The following CHRM2 variants were observed in gnomAD, a reference collection of about 807,000 sequenced individuals.
The protein encoded by CHRM2 is cholinergic receptor muscarinic 2.
CHRM2 carries 8 observed loss-of-function variants against 25.0 expected under a neutral mutation model. The ratio of observed to expected loss-of-function variants is 0.32; its 90% confidence interval spans 0.19 to 0.58. The LOEUF (loss-of-function observed/expected upper bound fraction) is 0.58. CHRM2 is among the 20% of genes least tolerant of loss of function. The pLI is 0.88. For missense variants in CHRM2, 440 were observed against 567.1 expected (o/e 0.78, Z 2.28); for synonymous variants, 202 against 205.7 (o/e 0.98, Z 0.15).
chr7:136,959,682 G>A (rs980956532), intron 2 of CHRM2, among the ~76,000 whole-genome samples: 3 of 152,162 alleles, frequency 2.0e-5, no homozygotes, highest in Non-Finnish European at 4.4e-5. Flanking sequence ...GGAGGCCGAG[G>A]CAGCAGATCA....
chr7:136,912,158 T>C (rs1202809536), intron 2 of CHRM2, among the ~76,000 whole-genome samples: 1 of 151,964 alleles, frequency 6.6e-6, no homozygotes, highest in Non-Finnish European at 1.5e-5. Flanking sequence ...TGAAAGTTTC[T>C]AACCCCTTCT....
chr7:136,887,923 C>T (rs545439356), intron 2 of CHRM2, among the ~76,000 whole-genome samples: 1 of 152,176 alleles, frequency 6.6e-6, no homozygotes, highest in African/African-American at 2.4e-5. Context: ...TGATGGCTAC[C>T]TTTGATTACC....
chr7:136,928,749 A>G (rs545956184), intron 2 of CHRM2, among the ~76,000 whole-genome samples: 1 of 152,172 alleles, frequency 6.6e-6, no homozygotes, highest in Non-Finnish European at 1.5e-5. Flanking sequence ...AGAATCAGAT[A>G]CCTCATTTGA....
chr7:136,881,907 A>G (rs1047961030), intron 2 of CHRM2, among the ~76,000 whole-genome samples: 7 of 152,066 alleles, frequency 4.6e-5, no homozygotes, highest in Non-Finnish European at 1.0e-4. Flanking sequence ...CATGGCCATG[A>G]CGAAGCTAAG....
chr7:136,881,823 G>A (rs1306428471), intron 2 of CHRM2, among the ~76,000 whole-genome samples: 3 of 151,994 alleles, frequency 2.0e-5, no homozygotes, highest in Admixed American at 6.6e-5. Flanking sequence ...TTCAAGAAGA[G>A]GAGAGGAAAA....
intron 2 of CHRM2, among the ~76,000 whole-genome samples, chr7:136,917,982 A>T (rs1156426329): frequency 1.3e-5 from 2 of 152,118 alleles, no homozygotes; most frequent in Non-Finnish European, 2.9e-5. Context: ...AACTCAATAA[A>T]AGTAGACACA....
chr7:137,014,733 T>A, intron 3 of CHRM2, 87 bp from the exon 4 acceptor site: 1 of 846,866 alleles, frequency 1.2e-6, no homozygotes, highest in Non-Finnish European at 1.9e-6. Flanking sequence ...TGGGAGAAAA[T>A]AATGTGGTTT....
intron 3 of CHRM2, among the ~76,000 whole-genome samples, chr7:136,994,714 T>G (rs1001853330): frequency 2.6e-5 from 4 of 151,588 alleles, no homozygotes; most frequent in African/African-American, 9.7e-5. Flanking sequence ...GAGGTTATTT[T>G]TCAAGTTATA....
At chr7:136,908,707 C>A (rs962059067) in intron 2 of CHRM2, among the ~76,000 whole-genome samples, 1 of 151,810 alleles carries the variant, frequency 6.6e-6, no homozygotes, top group Non-Finnish European at 1.5e-5. Flanking sequence ...ATTTTCAAAG[C>A]CAAATTTCTG....
intron 2 of CHRM2, among the ~76,000 whole-genome samples, chr7:136,976,172 G>A (rs1294562830): frequency 2.0e-5 from 3 of 152,060 alleles, no homozygotes; most frequent in Non-Finnish European, 4.4e-5. Context: ...GTATATTTAG[G>A]GGAACTGCAG....
rs192551695 is a variant in CHRM2 at position 136,906,208 on chromosome 7, C to T, written c.-125+36790C>T. Among the ~76,000 whole-genome samples the T allele has an allele frequency of 8.5e-4, 126 of 149,096 alleles. 1 individual carries two copies. Among genetic ancestry groups the T allele is most frequent in the African/African-American group, 1.6e-3 (65 of 40,512 alleles). On this transcript the variant is annotated intron_variant, in intron 2 of 3. Transcript: ENST00000680005. Reference sequence around the variant, plus strand: ...GTATGTATATACGTATATATATATACGCACACATATATATGGTTTGTATGT... The same window carrying T: ...GTATGTATATACGTATATATATATATGCACACATATATATGGTTTGTATGT...
rs146362174 is a variant in CHRM2, at chr7:136,897,662, G to A, written c.-125+28244G>A. 1.6e-3 allele frequency among the ~76,000 whole-genome samples: 235 copies of A among 150,810 alleles called. No homozygotes were observed. The East Asian group carries it at 0.025, about 16-fold the overall frequency. ...AGGGTGGTGGATTGCACCATTATTCGAGCCATTTTTAGCAAGCATTAACAA... is the reference window on the plus strand; with the variant it reads ...AGGGTGGTGGATTGCACCATTATTCAAGCCATTTTTAGCAAGCATTAACAA... On this transcript the variant is annotated intron_variant, in intron 2 of 3. Coordinates refer to ENST00000680005, the MANE Select transcript of CHRM2 (RefSeq NM_001006630.2).
chr7:136,981,359 G>A (rs889229172), intron 2 of CHRM2, among the ~76,000 whole-genome samples: 1 of 152,136 alleles, frequency 6.6e-6, no homozygotes, highest in African/African-American at 2.4e-5. Context: ...CTGGCTAGCA[G>A]TTTATCTATT....
chr7:136,897,880 T>C (rs1327468697), intron 2 of CHRM2, among the ~76,000 whole-genome samples: 2 of 152,256 alleles, frequency 1.3e-5, no homozygotes, highest in South Asian at 2.1e-4. Context: ...AAATGCTGAC[T>C]GAAAGAAAAT....
chr7:136,996,836 G>C (rs1010606211), intron 3 of CHRM2, among the ~76,000 whole-genome samples: 1 of 152,190 alleles, frequency 6.6e-6, no homozygotes, highest in Non-Finnish European at 1.5e-5. Flanking sequence ...AGGTCATAGA[G>C]TGTGAGCCTA....
chr7:136,956,635 TTATTG>T lies in CHRM2; in HGVS notation c.-124-35550_-124-35546del, dbSNP rs563947950. On this transcript the variant is annotated intron_variant, in intron 2 of 3. Transcript: ENST00000680005. ...ATTTGAAAATTACTGGTATACTTTTTTATTGTTAGAGCATTCAAATGTTATCCTTC... is the reference window on the plus strand; with the variant it reads ...ATTTGAAAATTACTGGTATACTTTTTTTAGAGCATTCAAATGTTATCCTTC... Among the ~76,000 whole-genome samples, 171 of 152,292 alleles carry T rather than the reference TTATTG, an allele frequency of 1.1e-3. 2 individuals carry two copies. The highest frequency in any genetic ancestry group is 4.0e-3 in the African/African-American group (166 of 41,568).
intron 2 of CHRM2, among the ~76,000 whole-genome samples, chr7:136,920,595 G>A (rs1798373503): frequency 6.6e-6 from 1 of 152,092 alleles, no homozygotes; most frequent in South Asian, 2.1e-4. Context: ...TGCCCTTACA[G>A]GCTGGGCCAC....
At chr7:136,949,985 C>T (rs1800307673) in intron 2 of CHRM2, among the ~76,000 whole-genome samples, 1 of 152,086 alleles carries the variant, frequency 6.6e-6, no homozygotes, top group South Asian at 2.1e-4. Context: ...TAGACAGGAT[C>T]ACATTTATTC....
At chr7:136,960,425 C>T (rs1800999868) in intron 2 of CHRM2, among the ~76,000 whole-genome samples, 1 of 152,198 alleles carries the variant, frequency 6.6e-6, no homozygotes, top group Admixed American at 6.5e-5. Context: ...AGGAGAGAAA[C>T]AAACGTGGCT....
Sources: gnomAD v4.1 joint callset for allele counts (sites outside exome capture counted in the v4.1 genomes callset) on GRCh38, gnomAD v4.1.1 for gene constraint, MANE v1.5 for transcripts, NCBI Gene and HGNC (gene_info 2026-07-23, HGNC 2026-07-21) for gene names.